Variants in LOXHD1 observed in about 807,000 individuals in gnomAD.
LOXHD1 encodes the protein lipoxygenase homology domain-containing protein 1.
A neutral mutation model predicts 248.2 loss-of-function variants in LOXHD1; 205 were observed. That is an observed-to-expected ratio of 0.83 (90% CI 0.74 to 0.93). The LOEUF (loss-of-function observed/expected upper bound fraction) is 0.93. LOXHD1 is among the 40% of genes least tolerant of loss of function. The probability of loss-of-function intolerance (pLI) is 0.00; values close to 1 mark genes in which losing one functional copy is unlikely to be tolerated. For missense variants in LOXHD1, 2,930 were observed against 2,971.6 expected (o/e 0.99, Z 0.33); for synonymous variants, 1,113 against 1,162.8 (o/e 0.96, Z 0.87).
At chr18:46,533,562 GTATC>G in intron 27 of LOXHD1, 1 of 497,200 alleles carries the variant, frequency 2.0e-6, no homozygotes, top group Non-Finnish European at 3.6e-6. Context: ...TTAAAAATAG[GTATC>G]TGAACTCCAT....
rs576281287 is a variant in LOXHD1, at chr18:46,535,676, C to T, written c.4096-1225G>A. Among the ~76,000 whole-genome samples the T allele has an allele frequency of 7.4e-4, 113 of 152,270 alleles. 2 individuals are homozygous for T. In the South Asian group the frequency reaches 9.1e-3, roughly 12 times the overall value. On this transcript the variant is annotated intron_variant, in intron 26 of 40. Transcript: ENST00000642948. ...CTCCACCTCCTGGGTTCAAGCAATT[C>T]TCTCCTGCCTCAGCCCCTGGAGTAG...
rs1278581057 is a variant in LOXHD1, at chr18:46,559,573, C to G, written c.3091G>C (p.Gly1031Arg). ...RNTYEVQVVT[G>R]NVPKAGTDAN... ...TCAGTGCCGGCCTTGGGCACATTCC[C>G]CGTGACCACCTGAACCTCATAGGTG... The change falls in exon 20 of 41, where the codon GGG becomes CGG. Residue 1031 changes from glycine to arginine, a missense_variant. Transcript: ENST00000642948. 6.4e-7 allele frequency: 1 copy of G among 1,551,868 alleles called. No individual in the cohort carries two copies. The highest frequency in any genetic ancestry group is 8.7e-7 in the Non-Finnish European group (1 of 1,147,020).
chr18:46,505,764 C>A, intron 37 of LOXHD1, 74 bp downstream of exon 37: 1 of 1,485,188 alleles, frequency 6.7e-7, no homozygotes, highest in Non-Finnish European at 9.2e-7. Context: ...AATGTGCTGC[C>A]AGGGAGGGAA....
chr18:46,536,789 C>T (rs2036331314), intron 26 of LOXHD1, among the ~76,000 whole-genome samples: 1 of 152,176 alleles, frequency 6.6e-6, no homozygotes, highest in African/African-American at 2.4e-5. Flanking sequence ...GGGAAGAGAG[C>T]AAGGCATCCC....
At position 46,559,499 on chromosome 18, in the gene LOXHD1, G is replaced by T. The variant is rs768431469; in HGVS notation, c.3165C>A (p.Gly1055=). ...TGTCTGACTTCTTCAGGGGTCGTTC[G>T]CCCGTGTCTCCATACTCCTCGCCGT... is the stretch of plus-strand genomic sequence containing the variant. ...TIYGEEYGDT[G]ERPLKKSDKS... The change falls in exon 20 of 41, where the codon GGC becomes GGA. Residue 1055 remains glycine, a synonymous_variant. Coordinates refer to ENST00000642948, the MANE Select transcript of LOXHD1 (RefSeq NM_001384474.1). 3 of 1,551,896 alleles carry T rather than the reference G, an allele frequency of 1.9e-6. No individual in the cohort carries two copies. The highest frequency in any genetic ancestry group is 2.6e-6 in the Non-Finnish European group (3 of 1,147,044).
At chr18:46,622,378 A>C (rs1400722156) in intron 4 of LOXHD1, among the ~76,000 whole-genome samples, 1 of 152,242 alleles carries the variant, frequency 6.6e-6, no homozygotes, top group Non-Finnish European at 1.5e-5. Context: ...CCAAAATATT[A>C]CTTTTTAAAA....
intron 21 of LOXHD1, among the ~76,000 whole-genome samples, chr18:46,548,403 G>A (rs890185534): frequency 2.0e-5 from 3 of 152,150 alleles, no homozygotes; most frequent in African/African-American, 7.2e-5. Context: ...AATGTTAGAG[G>A]AGCAGAACCA....
intron 21 of LOXHD1, among the ~76,000 whole-genome samples, chr18:46,553,518 G>A (rs2037193453): frequency 6.6e-6 from 1 of 152,230 alleles, no homozygotes; most frequent in South Asian, 2.1e-4. Context: ...GCATGTGTTT[G>A]TCAAATTAAT....
At chr18:46,481,981 C>T (rs2032615116) in intron 40 of LOXHD1, among the ~76,000 whole-genome samples, 1 of 152,196 alleles carries the variant, frequency 6.6e-6, no homozygotes, top group Non-Finnish European at 1.5e-5. Flanking sequence ...TATCAGCAGA[C>T]ACAGTCCTTG....
At chr18:46,619,396 T>C (rs997048228) in intron 4 of LOXHD1, among the ~76,000 whole-genome samples, 3 of 152,194 alleles carry the variant, frequency 2.0e-5, no homozygotes, top group African/African-American at 4.8e-5. Flanking sequence ...CTATGTTGCC[T>C]GTGACAATGA....
Position 46,524,802 on chromosome 18 carries a change from T to C in LOXHD1, c.4646A>G (p.Asn1549Ser), listed in dbSNP as rs1331722886. 6.4e-7 allele frequency: 1 copy of C among 1,551,646 alleles called. No individual in the cohort carries two copies. Among genetic ancestry groups the C allele is most frequent in the South Asian group, 1.2e-5 (1 of 84,058 alleles). Reference sequence around the variant, plus strand: ...CAGGAACTCGTCCTCGTTGGTGTCATTCCAGATCTCCACCTTCTCCACGTA... The same window carrying C: ...CAGGAACTCGTCCTCGTTGGTGTCACTCCAGATCTCCACCTTCTCCACGTA... ...DWYVEKVEIW[N>S]DTNEDEFLFL... The change falls in exon 30 of 41, where the codon AAT (asparagine) becomes AGT (serine). Residue 1549 changes from asparagine (N) to serine (S), a missense_variant. Transcript: ENST00000642948.
At chr18:46,539,814 A>G (rs1234678463) in intron 25 of LOXHD1, among the ~76,000 whole-genome samples, 1 of 152,214 alleles carries the variant, frequency 6.6e-6, no homozygotes, top group African/African-American at 2.4e-5. Context: ...AAAAAAGAAG[A>G]ATATTGAAAA....
chr18:46,617,608 C>T (rs1188740509), intron 5 of LOXHD1, among the ~76,000 whole-genome samples: 1 of 151,340 alleles, frequency 6.6e-6, no homozygotes, highest in African/African-American at 2.4e-5. Context: ...ACAAAATTCA[C>T]ATGTCTTTGT....
intron 5 of LOXHD1, among the ~76,000 whole-genome samples, chr18:46,617,675 CT>C (rs1370155754): frequency 6.6e-6 from 1 of 152,182 alleles, no homozygotes; most frequent in Non-Finnish European, 1.5e-5. Flanking sequence ...AGAGAACCAC[CT>C]GTCTCATTCT....
intron 37 of LOXHD1, among the ~76,000 whole-genome samples, chr18:46,490,429 T>C (rs1420487814): frequency 6.6e-6 from 1 of 152,202 alleles, no homozygotes; most frequent in Non-Finnish European, 1.5e-5. Flanking sequence ...ACCAATAGAG[T>C]TAAGCTAAAT....
chr18:46,604,461 C>T (rs1041009169), intron 6 of LOXHD1, among the ~76,000 whole-genome samples: 11 of 152,216 alleles, frequency 7.2e-5, no homozygotes, highest in Non-Finnish European at 1.6e-4. Flanking sequence ...TACTGAGCCA[C>T]CGCTCCCTCC....
chr18:46,555,372 C>T (rs1350913690), intron 21 of LOXHD1: 1 of 340,352 alleles, frequency 2.9e-6, no homozygotes, highest in East Asian at 7.5e-5. Context: ...ACCCTGGTTC[C>T]CAGCCATGGG....
In LOXHD1 at chr18:46,522,084, C is replaced by T. The variant is rs1434086912; in HGVS notation, c.5085+17G>A. 3.9e-6 allele frequency: 6 copies of T among 1,540,326 alleles called. No individual in the cohort carries two copies. Among genetic ancestry groups the T allele is most frequent in the Middle Eastern group, 1.7e-4 (1 of 5,958 alleles). On this transcript the variant is annotated intron_variant, in intron 32 of 40. Transcript: ENST00000642948. ...CCCTAGGGTGGTCACTATCATGGGG[C>T]CCCGAGAAGCCAGCACCTCTATTTT...
intron 2 of LOXHD1, among the ~76,000 whole-genome samples, chr18:46,645,660 G>A (rs534752148): frequency 2.6e-5 from 4 of 152,236 alleles, no homozygotes; most frequent in South Asian, 4.1e-4. Context: ...TCACTAATGG[G>A]GGAATCTAAG....
Sources: allele counts gnomAD v4.1 joint callset (sites outside exome capture counted in the v4.1 genomes callset), GRCh38; gene constraint gnomAD v4.1.1; transcripts MANE v1.5; gene names NCBI Gene and HGNC (gene_info 2026-07-23, HGNC 2026-07-21).